NAV2: variants seen among roughly 807,000 people sequenced by gnomAD.
NAV2 encodes the protein neuron navigator 2.
Under a neutral mutation model 223.2 loss-of-function variants are expected in NAV2, and 54 were observed. The ratio of observed to expected loss-of-function variants is 0.24; its 90% CI spans 0.19 to 0.30. The LOEUF is 0.30. Ranked by LOEUF, NAV2 falls within the 10% of genes least tolerant of loss-of-function variation. The pLI, the probability that NAV2 is intolerant of heterozygous loss-of-function variation, is 1.00. For missense variants in NAV2, 2,806 were observed against 3,147.5 expected (o/e 0.89, Z 2.60); for synonymous variants, 1,279 against 1,239.3 (o/e 1.03, Z -0.67).
At chr11:19,517,921 C>T (rs558115692) in intron 1 of NAV2, among the ~76,000 whole-genome samples, 3 of 152,348 alleles carry the variant, frequency 2.0e-5, no homozygotes, top group Admixed American at 6.5e-5. Context: ...AGAATGGCGT[C>T]CAGCCTGTGC....
chr11:19,607,282 C>T (rs1294641999), intron 1 of NAV2, among the ~76,000 whole-genome samples: 2 of 152,188 alleles, frequency 1.3e-5, no homozygotes, highest in South Asian at 2.1e-4. Flanking sequence ...GCCTTTGAAA[C>T]GGGGAGCCCT....
chr11:19,859,729 G>A (rs1372890124), intron 3 of NAV2, among the ~76,000 whole-genome samples: 117 of 151,290 alleles, frequency 7.7e-4, no homozygotes, highest in African/African-American at 2.5e-3. Flanking sequence ...GGGCAGAGGC[G>A]CCCCTCACCT....
chr11:19,667,242 T>C (rs2048439554), intron 1 of NAV2, among the ~76,000 whole-genome samples: 1 of 152,246 alleles, frequency 6.6e-6, no homozygotes, highest in Admixed American at 6.5e-5. Flanking sequence ...CGTTGAACAA[T>C]TATTCACTGG....
chr11:19,667,521 G>A (rs529552515), intron 1 of NAV2, among the ~76,000 whole-genome samples: 1 of 152,328 alleles, frequency 6.6e-6, no homozygotes, highest in South Asian at 2.1e-4. Flanking sequence ...TGTGTTGTGG[G>A]GCCCAGGGTT....
chr11:19,497,136 A>G (rs1643037016), intron 1 of NAV2, among the ~76,000 whole-genome samples: 1 of 152,234 alleles, frequency 6.6e-6, no homozygotes, highest in Non-Finnish European at 1.5e-5. Context: ...GTGTTATCAC[A>G]TATTGGCTGT....
intron 11 of NAV2, among the ~76,000 whole-genome samples, chr11:20,033,355 G>C (rs984787576): frequency 6.6e-5 from 10 of 152,338 alleles, no homozygotes; most frequent in Admixed American, 4.6e-4. Context: ...CCTTTGTATA[G>C]AGAATAGCTA....
At chr11:19,460,795 A>C (rs2133858187) in intron 1 of NAV2, among the ~76,000 whole-genome samples, 1 of 152,294 alleles carries the variant, frequency 6.6e-6, no homozygotes, top group Middle Eastern at 3.4e-3. Context: ...AATAAAAAAA[A>C]ATTCCCTTGG....
At chr11:19,936,663 C>T (rs2045935247) in intron 7 of NAV2, among the ~76,000 whole-genome samples, 1 of 152,212 alleles carries the variant, frequency 6.6e-6, no homozygotes, top group Non-Finnish European at 1.5e-5. Context: ...TTGGTGCCCT[C>T]TGAGGTCTTC....
At chr11:19,575,696 C>G (rs1011979718) in intron 1 of NAV2, among the ~76,000 whole-genome samples, 1 of 152,198 alleles carries the variant, frequency 6.6e-6, no homozygotes, top group Non-Finnish European at 1.5e-5. Flanking sequence ...TGGTCATCAT[C>G]TATATTGTGT....
chr11:19,831,231 G>A (rs149814815), intron 1 of NAV2, among the ~76,000 whole-genome samples: 27 of 101,998 alleles, frequency 2.6e-4, no homozygotes, highest in Admixed American at 8.7e-4. Flanking sequence ...TGCGGGGGGG[G>A]GGGGGGCGCG....
rs1377897806 is a variant in NAV2, at chr11:19,620,001, C to A, written c.76-212483C>A. On this transcript the variant is annotated intron_variant, in intron 1 of 37. Coordinates refer to the NAV2 transcript ENST00000360655. ...TATGGCTAGCCAGTTTTCCCAGCAC[C>A]ATTTATTAAATAGGGATCCTTTCCC... 2.6e-5 allele frequency among the ~76,000 whole-genome samples: 4 copies of A among 152,138 alleles called. 1 individual carries two copies. The highest frequency in any genetic ancestry group is 9.7e-5 in the African/African-American group (4 of 41,426).
intron 1 of NAV2, among the ~76,000 whole-genome samples, chr11:19,539,537 G>A (rs149041146): frequency 6.6e-6 from 1 of 152,248 alleles, no homozygotes; most frequent in African/African-American, 2.4e-5. Flanking sequence ...TTAACACAAA[G>A]TAAACTTAGG....
At chr11:20,111,919 G>A (rs2062671513) in intron 36 of NAV2, among the ~76,000 whole-genome samples, 1 of 152,202 alleles carries the variant, frequency 6.6e-6, no homozygotes, top group Non-Finnish European at 1.5e-5. Flanking sequence ...GATAATCTCT[G>A]AGGACATGTT....
chr11:19,387,220 C>T (rs753798218), intron 1 of NAV2, among the ~76,000 whole-genome samples: 1 of 152,138 alleles, frequency 6.6e-6, no homozygotes, highest in Non-Finnish European at 1.5e-5. Flanking sequence ...TTTTAAGCCT[C>T]TGTGATCCCA....
chr11:19,420,996 T>C (rs1850586997), intron 1 of NAV2, among the ~76,000 whole-genome samples: 1 of 152,206 alleles, frequency 6.6e-6, no homozygotes, highest in Non-Finnish European at 1.5e-5. Flanking sequence ...CAGCCTGCCA[T>C]AACTAGATCT....
chr11:19,747,188 C>T (rs1463966985), intron 1 of NAV2, among the ~76,000 whole-genome samples: 4 of 151,462 alleles, frequency 2.6e-5, no homozygotes, highest in Non-Finnish European at 5.9e-5. Flanking sequence ...ATGATGGTTT[C>T]CAGTTTCATC....
At chr11:19,897,556 G>A (rs994436706) in intron 6 of NAV2, among the ~76,000 whole-genome samples, 4 of 151,994 alleles carry the variant, frequency 2.6e-5, no homozygotes, top group Non-Finnish European at 1.5e-5. Context: ...TGAAGCTAAA[G>A]AAAAAGTGAT....
At chr11:20,085,021 T>A (rs1014355362) in intron 26 of NAV2, among the ~76,000 whole-genome samples, 1 of 151,526 alleles carries the variant, frequency 6.6e-6, no homozygotes, top group Non-Finnish European at 1.5e-5. Context: ...AGACTCTGTC[T>A]CTACAAAAAA....
At chr11:19,769,456 G>C (rs1447252929) in intron 1 of NAV2, among the ~76,000 whole-genome samples, 1 of 152,190 alleles carries the variant, frequency 6.6e-6, no homozygotes, top group Non-Finnish European at 1.5e-5. Context: ...TTTGGATAGA[G>C]GGTGATTGCA....
Sources: gnomAD v4.1 joint callset for allele counts (sites outside exome capture counted in the v4.1 genomes callset) on GRCh38, gnomAD v4.1.1 for gene constraint, MANE v1.5 for transcripts, NCBI Gene and HGNC (gene_info 2026-07-23, HGNC 2026-07-21) for gene names.